Variants in PPP1R3A observed in about 807,000 individuals in gnomAD.
PPP1R3A encodes the protein protein phosphatase 1 regulatory subunit 3A, also known as RG1.
PPP1R3A carries 29 observed loss-of-function variants against 41.7 expected under a neutral mutation model. That is an observed-to-expected ratio of 0.70 (90% confidence interval 0.52 to 0.95). The LOEUF (loss-of-function observed/expected upper bound fraction) is 0.95, where lower values mean the gene tolerates loss of function less well. Ranked by LOEUF, PPP1R3A falls within the 40% of genes least tolerant of loss-of-function variation. The probability of loss-of-function intolerance (pLI) is 0.00; values close to 1 mark genes in which losing one functional copy is unlikely to be tolerated. For missense variants in PPP1R3A, 1,352 were observed against 1,292.4 expected (o/e 1.05, Z -0.71); for synonymous variants, 485 against 453.4 (o/e 1.07, Z -0.89).
At chr7:113,910,813 C>T (rs1040155440) in intron 1 of PPP1R3A, among the ~76,000 whole-genome samples, 3 of 152,038 alleles carry the variant, frequency 2.0e-5, no homozygotes, top group Admixed American at 6.6e-5. Context: ...CTAAATACCA[C>T]GGATGATATT....
At chr7:113,884,843 G>C (rs1796755296) in intron 1 of PPP1R3A, among the ~76,000 whole-genome samples, 1 of 151,900 alleles carries the variant, frequency 6.6e-6, no homozygotes, top group Non-Finnish European at 1.5e-5. Context: ...CAACAAGAAA[G>C]TACAAACAAT....
At chr7:113,888,979 C>T (rs748009798) in intron 1 of PPP1R3A, among the ~76,000 whole-genome samples, 2 of 152,152 alleles carry the variant, frequency 1.3e-5, no homozygotes, top group Non-Finnish European at 2.9e-5. Context: ...TCAAATATAA[C>T]AATAGTTCCC....
rs1259992749 is a variant in PPP1R3A, at chr7:113,918,353, A to G, written c.644T>C (p.Val215Ala). ...ATTATTATTTGACCAAAATGTACCA[A>G]CAGAAGTTTCATAACGTATACAAAA... ...VEFCIRYETS[V>A]GTFWSNNNGT... Residue 215 changes from valine to alanine, a missense_variant, in exon 1 of 4, where the codon GTT becomes GCT. Physicochemically the swap from Val to Ala is moderately conservative, Grantham distance 64. Coordinates refer to ENST00000284601, the MANE Select transcript of PPP1R3A (RefSeq NM_002711.4). 4 of 1,613,402 alleles carry G rather than the reference A, an allele frequency of 2.5e-6. No individual in the cohort carries two copies. Among genetic ancestry groups the G allele is most frequent in the Non-Finnish European group, 3.4e-6 (4 of 1,179,590 alleles).
intron 1 of PPP1R3A, among the ~76,000 whole-genome samples, chr7:113,901,491 T>C (rs1235779969): frequency 1.1e-4 from 17 of 151,838 alleles, no homozygotes; most frequent in Admixed American, 1.1e-3. Flanking sequence ...GGTAAAAACC[T>C]GGAAGTTTAT....
At chr7:113,907,591 A>G (rs1797168162) in intron 1 of PPP1R3A, among the ~76,000 whole-genome samples, 1 of 151,794 alleles carries the variant, frequency 6.6e-6, no homozygotes, top group Non-Finnish European at 1.5e-5. Context: ...TAGTTTCATA[A>G]TTGTTTTTTT....
intron 1 of PPP1R3A, among the ~76,000 whole-genome samples, chr7:113,894,988 T>C (rs755553682): frequency 6.6e-6 from 1 of 151,956 alleles, no homozygotes; most frequent in Non-Finnish European, 1.5e-5. Flanking sequence ...AATCAAATCA[T>C]TCAGAAGTGA....
At chr7:113,900,217 G>A (rs759066534) in intron 1 of PPP1R3A, among the ~76,000 whole-genome samples, 1 of 151,704 alleles carries the variant, frequency 6.6e-6, no homozygotes, top group African/African-American at 2.4e-5. Context: ...GTTGCACTAT[G>A]TAGTGAATAG....
chr7:113,896,824 T>G (rs1298815399), intron 1 of PPP1R3A, among the ~76,000 whole-genome samples: 1 of 151,626 alleles, frequency 6.6e-6, no homozygotes, highest in African/African-American at 2.4e-5. Flanking sequence ...CATTTTGCAT[T>G]TATGCAAAAA....
chr7:113,895,266 C>T (rs1796958541), intron 1 of PPP1R3A, among the ~76,000 whole-genome samples: 1 of 151,642 alleles, frequency 6.6e-6, no homozygotes, highest in African/African-American at 2.4e-5. Flanking sequence ...TGAAATGATG[C>T]ATAACTCAAT....
Position 113,882,068 on chromosome 7 carries a change from C to A in PPP1R3A, c.937G>T (p.Glu313Ter). The A allele has an allele frequency of 6.2e-7, 1 of 1,612,572 alleles. No individual in the cohort carries two copies. Among genetic ancestry groups the A allele is most frequent in the South Asian group, 1.1e-5 (1 of 91,030 alleles). The change falls in exon 3 of 4, where the codon GAA becomes TAA. Residue 313 changes from glutamate to a stop codon, truncating the protein, a stop_gained. Transcript: ENST00000284601. LOFTEE classifies it low-confidence loss of function (END_TRUNC). ...AACTCTAATTCTTTTTCATTATGTT[C>A]ATCATGTTCCCTGTTTACATCTTTT... is the stretch of plus-strand genomic sequence containing the variant. The part of the protein sequence containing the change: ...NVKDVNREHD[E>*]HNEKELELMI...
At position 113,879,890 on chromosome 7, in the gene PPP1R3A, G is replaced by A. The variant is rs1562917130; in HGVS notation, c.1202C>T (p.Thr401Ile). ...NEKYSSGDDC[T>I]HQPSEETTSN... ...AGTAGTTTCCTCTGAAGGTTGATGT[G>A]TACAGTCATCTCCTGAGGAATATTT... The change falls in exon 4 of 4, where the codon ACA (threonine) becomes ATA (isoleucine). Residue 401 changes from threonine to isoleucine, a missense_variant. Transcript: ENST00000284601. 1 of 1,613,504 alleles carries A rather than the reference G, an allele frequency of 6.2e-7. No individual in the cohort carries two copies. The highest frequency in any genetic ancestry group is 8.5e-7 in the Non-Finnish European group (1 of 1,179,670).
intron 1 of PPP1R3A, among the ~76,000 whole-genome samples, chr7:113,915,726 C>A (rs1440490674): frequency 6.6e-6 from 1 of 151,458 alleles, no homozygotes; most frequent in African/African-American, 2.4e-5. Context: ...CATTTAGATT[C>A]TGTAACTATT....
rs114594357 is a variant in PPP1R3A, at chr7:113,904,500, C to T, written c.782+13715G>A. 2.9e-3 allele frequency among the ~76,000 whole-genome samples: 435 copies of T among 151,774 alleles called. 2 individuals carry two copies. Among genetic ancestry groups the T allele is most frequent in the African/African-American group, 1.0e-2 (415 of 41,504 alleles). On this transcript the variant is annotated intron_variant, in intron 1 of 3. Transcript: ENST00000284601. ...GCTAACTTATTCACATGGTAAAACA[C>T]CATAAAACTCAAGTTGTCAATACAC...
intron 3 of PPP1R3A, 114 bp downstream of exon 3, chr7:113,881,925 G>T (rs2129113963): frequency 3.3e-6 from 4 of 1,225,532 alleles, no homozygotes; most frequent in Non-Finnish European, 3.6e-6. Context: ...AATAGGCTGT[G>T]CTTTCACATT....
intron 1 of PPP1R3A, among the ~76,000 whole-genome samples, chr7:113,899,340 G>A (rs1425295392): frequency 6.6e-6 from 1 of 151,740 alleles, no homozygotes; most frequent in African/African-American, 2.4e-5. Context: ...AAATGAAAAT[G>A]CCACGCTGTG....
At chr7:113,888,018 A>C (rs1277381101) in intron 1 of PPP1R3A, among the ~76,000 whole-genome samples, 4 of 151,232 alleles carry the variant, frequency 2.6e-5, no homozygotes, top group Non-Finnish European at 2.9e-5. Context: ...GCGGAGCAAG[A>C]CTCTGTCTCA....
chr7:113,892,130 G>A (rs1056697330), intron 1 of PPP1R3A, among the ~76,000 whole-genome samples: 1 of 151,998 alleles, frequency 6.6e-6, no homozygotes, highest in Non-Finnish European at 1.5e-5. Context: ...AAAAGTAAAT[G>A]TGAAATTACT....
chr7:113,884,341 A>C (rs1195864782), intron 1 of PPP1R3A, among the ~76,000 whole-genome samples: 1 of 152,024 alleles, frequency 6.6e-6, no homozygotes, highest in African/African-American at 2.4e-5. Flanking sequence ...GGGAGGAGGA[A>C]CTTTTTTTAT....
At position 113,878,333 on chromosome 7, in the gene PPP1R3A, T is replaced by C. The variant is rs1382791288; in HGVS notation, c.2759A>G (p.His920Arg). Residue 920 changes from histidine (H) to arginine (R), a missense_variant, in exon 4 of 4, where the codon CAT (histidine) becomes CGT (arginine). By Grantham distance (29) the His-to-Arg change is conservative. Coordinates refer to ENST00000284601, the MANE Select transcript of PPP1R3A (RefSeq NM_002711.4). ...PQNSSPFSKH[H>R]TEISVSTNEQ... ...ATTAGTTGACACTGAAATTTCAGTA[T>C]GATGTTTGGAAAAAGGAGAGCTATT... 8 of 1,612,914 alleles carry C rather than the reference T, an allele frequency of 5.0e-6. No homozygotes were observed. The African/African-American group carries it at 5.3e-5, about 11-fold the overall frequency.
Sources: allele counts gnomAD v4.1 joint callset (sites outside exome capture counted in the v4.1 genomes callset), GRCh38; gene constraint gnomAD v4.1.1; transcripts MANE v1.5; gene names NCBI Gene and HGNC (gene_info 2026-07-23, HGNC 2026-07-21).